The following MGAT4C variants were observed in gnomAD, a reference collection of about 807,000 sequenced individuals.
The protein encoded by MGAT4C is MGAT4 family member C.
A neutral mutation model predicts 40.1 loss-of-function variants in MGAT4C; 19 were observed. That is an observed-to-expected ratio of 0.47 (90% confidence interval 0.33 to 0.70). The LOEUF (loss-of-function observed/expected upper bound fraction) is 0.70. Ranked by LOEUF, MGAT4C falls within the 30% of genes least tolerant of loss-of-function variation. The pLI, the probability that MGAT4C is intolerant of heterozygous loss-of-function variation, is 0.02. For missense variants in MGAT4C, 491 were observed against 563.2 expected, an observed-to-expected ratio of 0.87 and a Z score of 1.30; for synonymous variants, 181 against 187.1, an observed-to-expected ratio of 0.97 and a Z score of 0.27.
chr12:86,520,188 T>A (rs141369105), intron 2 of MGAT4C, among the ~76,000 whole-genome samples: 1 of 152,138 alleles, frequency 6.6e-6, no homozygotes, highest in Non-Finnish European at 1.5e-5. Context: ...TTAGTAATCA[T>A]TAGTTATTTT....
At chr12:86,576,954 A>G (rs1440589408) in intron 2 of MGAT4C, among the ~76,000 whole-genome samples, 1 of 151,892 alleles carries the variant, frequency 6.6e-6, no homozygotes. Flanking sequence ...CAATCTATGC[A>G]AATGGAATAT....
At chr12:86,012,313 C>T (rs1449799464) in intron 2 of MGAT4C, among the ~76,000 whole-genome samples, 1 of 152,174 alleles carries the variant, frequency 6.6e-6, no homozygotes, top group Non-Finnish European at 1.5e-5. Flanking sequence ...CTATTGATTA[C>T]AGAACACAGT....
intron 1 of MGAT4C, among the ~76,000 whole-genome samples, chr12:86,055,872 C>T (rs1219534123): frequency 1.3e-5 from 2 of 151,882 alleles, no homozygotes; most frequent in Admixed American, 1.3e-4. Flanking sequence ...GCTCTTTTTT[C>T]ATTCCCCTGT....
Position 86,498,014 on chromosome 12 carries a change from T to C in MGAT4C, c.-228-62749A>G, listed in dbSNP as rs1215541071. On this transcript the variant is annotated intron_variant, in intron 2 of 7. Transcript: ENST00000548651. ...TTATATATTATATTATATAATCTTT[T>C]TTGGTTTTTGAATAATCTTTATTCT... Among the ~76,000 whole-genome samples the C allele has an allele frequency of 2.7e-5, 4 of 147,164 alleles. 1 individual carries two copies. The highest frequency in any genetic ancestry group is 7.2e-3 in the Middle Eastern group (2 of 278).
At chr12:86,658,378 T>C (rs926956982) in intron 2 of MGAT4C, among the ~76,000 whole-genome samples, 9 of 152,070 alleles carry the variant, frequency 5.9e-5, no homozygotes, top group Non-Finnish European at 1.5e-5. Context: ...TCCATTAAGT[T>C]TCAAGAGAGA....
At chr12:86,258,253 T>C (rs1004913732), upstream of MGAT4C, among the ~76,000 whole-genome samples, 29 of 152,140 alleles carry the variant, frequency 1.9e-4, no homozygotes, top group Non-Finnish European at 2.9e-4. Context: ...CCAGAATAAT[T>C]TCAGCATGTT....
intron 1 of MGAT4C, among the ~76,000 whole-genome samples, chr12:86,778,581 AC>A (rs1299931044): frequency 6.6e-6 from 1 of 152,168 alleles, no homozygotes; most frequent in Non-Finnish European, 1.5e-5. Context: ...CTTGCAAATG[AC>A]ACATAAGGAA....
chr12:86,385,432 AGGAG>A (rs1956032433), intron 3 of MGAT4C, among the ~76,000 whole-genome samples: 1 of 152,170 alleles, frequency 6.6e-6, no homozygotes, highest in Non-Finnish European at 1.5e-5. Context: ...TCATGCCATA[AGGAG>A]TGCAACTCCT....
At chr12:86,686,504 T>C (rs1950074367) in intron 2 of MGAT4C, among the ~76,000 whole-genome samples, 1 of 152,176 alleles carries the variant, frequency 6.6e-6, no homozygotes, top group Non-Finnish European at 1.5e-5. Flanking sequence ...TTTTGAGATG[T>C]GCTCCATCAA....
chr12:86,276,679 T>C (rs1030213481), intron 4 of MGAT4C, among the ~76,000 whole-genome samples: 3 of 152,226 alleles, frequency 2.0e-5, no homozygotes, highest in Non-Finnish European at 4.4e-5. Flanking sequence ...AGTGAGAACA[T>C]GTAAAGTTTG....
rs527717703 is a variant in MGAT4C at position 86,451,708 on chromosome 12, T to C, written c.-228-16443A>G. Among the ~76,000 whole-genome samples, 46 of 152,128 alleles carry C rather than the reference T, an allele frequency of 3.0e-4. 1 individual carries two copies. The highest frequency in any genetic ancestry group is 1.6e-4 in the Non-Finnish European group (11 of 68,028). On this transcript the variant is annotated intron_variant, in intron 2 of 7. Coordinates refer to the MGAT4C transcript ENST00000548651. ...ATTTTATGGTCTCTGTTCTTCAAGATGGATAGTCTTTGATTAATTCATTCT... is the reference window on the plus strand; with the variant it reads ...ATTTTATGGTCTCTGTTCTTCAAGACGGATAGTCTTTGATTAATTCATTCT...
At chr12:86,548,309 G>A (rs1353071080) in intron 2 of MGAT4C, among the ~76,000 whole-genome samples, 1 of 151,902 alleles carries the variant, frequency 6.6e-6, no homozygotes, top group Non-Finnish European at 1.5e-5. Flanking sequence ...GAAAACATGA[G>A]GTGCTCATTT....
chr12:86,464,421 G>T (rs1957647959), intron 2 of MGAT4C, among the ~76,000 whole-genome samples: 1 of 152,154 alleles, frequency 6.6e-6, no homozygotes, highest in Non-Finnish European at 1.5e-5. Context: ...CACTGGATAT[G>T]GAAGTCATGA....
At chr12:86,698,371 GTCTA>G (rs1015588946) in intron 2 of MGAT4C, among the ~76,000 whole-genome samples, 39 of 151,552 alleles carry the variant, frequency 2.6e-4, no homozygotes, top group Non-Finnish European at 4.9e-4. Context: ...TTGTGTGTGT[GTCTA>G]TGTGTGTGTG....
chr12:86,757,380 A>G (rs1332767045), intron 1 of MGAT4C, among the ~76,000 whole-genome samples: 10 of 152,140 alleles, frequency 6.6e-5, no homozygotes, highest in Admixed American at 6.6e-4. Flanking sequence ...AAAATTCTAT[A>G]TAAATTACTA....
At chr12:86,784,217 C>T (rs1048519754) in intron 1 of MGAT4C, among the ~76,000 whole-genome samples, 1 of 152,046 alleles carries the variant, frequency 6.6e-6, no homozygotes, top group African/African-American at 2.4e-5. Flanking sequence ...CAAAGACTGA[C>T]AAGCCTGTCT....
At chr12:86,137,887 T>C (rs1039069096) in intron 1 of MGAT4C, among the ~76,000 whole-genome samples, 5 of 152,134 alleles carry the variant, frequency 3.3e-5, no homozygotes, top group African/African-American at 4.8e-5. Context: ...TATGAGAGTA[T>C]AAAAGTTCAG....
At chr12:86,753,032 A>T (rs1951248499) in intron 1 of MGAT4C, among the ~76,000 whole-genome samples, 1 of 152,152 alleles carries the variant, frequency 6.6e-6, no homozygotes, top group African/African-American at 2.4e-5. Flanking sequence ...CATGATTTAC[A>T]AAGACCAAAT....
At chr12:86,552,040 A>C (rs1309495854) in intron 2 of MGAT4C, among the ~76,000 whole-genome samples, 1 of 151,556 alleles carries the variant, frequency 6.6e-6, no homozygotes, top group African/African-American at 2.4e-5. Context: ...AAAAAAAAAA[A>C]AACCAAAAAA....
Sources: allele counts gnomAD v4.1 joint callset (sites outside exome capture counted in the v4.1 genomes callset), GRCh38; gene constraint gnomAD v4.1.1; transcripts MANE v1.5; gene names NCBI Gene and HGNC (gene_info 2026-07-23, HGNC 2026-07-21).